The following PAX7 variants were observed in gnomAD, a reference collection of about 807,000 sequenced individuals.
The protein encoded by PAX7 is paired box 7.
PAX7 carries 18 observed loss-of-function variants against 50.7 expected under a neutral mutation model. The observed-to-expected ratio is 0.36, with a 90% CI of 0.25 to 0.53. The LOEUF is 0.53. Ranked by LOEUF, PAX7 falls within the 20% of genes least tolerant of loss-of-function variation. PAX7 has a pLI of 0.93. For synonymous variants in PAX7, 310 were observed against 290.4 expected (o/e 1.07, Z -0.69); for missense variants, 644 against 702.9 (o/e 0.92, Z 0.95).
chr1:18,728,841 G>A (rs2089611338), intron 7 of PAX7, among the ~76,000 whole-genome samples: 1 of 151,842 alleles, frequency 6.6e-6, no homozygotes, highest in Non-Finnish European at 1.5e-5. Context: ...CTCCAGCCTG[G>A]GCAACAAGAG....
chr1:18,647,452 T>C (rs1178904618), intron 4 of PAX7, among the ~76,000 whole-genome samples: 1 of 129,944 alleles, frequency 7.7e-6, no homozygotes, highest in Non-Finnish European at 1.5e-5. Context: ...GTCACAGCTA[T>C]AGTGGATGCT....
chr1:18,655,603 T>A (rs948084715), intron 4 of PAX7, among the ~76,000 whole-genome samples: 1 of 152,228 alleles, frequency 6.6e-6, no homozygotes, highest in South Asian at 2.1e-4. Flanking sequence ...CGGGAGGGTT[T>A]CCAGGCCTGT....
chr1:18,737,944 TGAG>T (rs1441254316), intron 8 of PAX7, among the ~76,000 whole-genome samples: 1 of 152,224 alleles, frequency 6.6e-6, no homozygotes, highest in Non-Finnish European at 1.5e-5. Context: ...AGCCATGCAT[TGAG>T]GCATGCACAC....
At chr1:18,688,193 A>G (rs867335118) in intron 4 of PAX7, among the ~76,000 whole-genome samples, 9 of 152,376 alleles carry the variant, frequency 5.9e-5, no homozygotes, top group Non-Finnish European at 1.2e-4. Context: ...TAATGCTCTT[A>G]TAAATGGAAA....
chr1:18,657,567 G>A (rs548253402), intron 4 of PAX7, among the ~76,000 whole-genome samples: 1 of 152,264 alleles, frequency 6.6e-6, no homozygotes, highest in East Asian at 1.9e-4. Flanking sequence ...CTCTGAGCTA[G>A]AGACCTGGTC....
intron 1 of PAX7, among the ~76,000 whole-genome samples, chr1:18,631,961 C>T (rs1393765793): frequency 6.6e-6 from 1 of 152,212 alleles, no homozygotes. Flanking sequence ...TAGATTTGGA[C>T]TCCTAGTAAA....
chr1:18,696,151 C>T (rs191679172), intron 5 of PAX7, among the ~76,000 whole-genome samples: 4 of 151,658 alleles, frequency 2.6e-5, no homozygotes, highest in East Asian at 1.9e-4. Flanking sequence ...CTGCAACCTC[C>T]GCCTCCCGGT....
intron 8 of PAX7, chr1:18,736,088 T>C: frequency 1.2e-6 from 1 of 842,394 alleles, no homozygotes; most frequent in Non-Finnish European, 1.9e-6. Flanking sequence ...GCTAAGCCTC[T>C]GCTTCCGTAC....
At chr1:18,663,524 A>G (rs913523588) in intron 4 of PAX7, among the ~76,000 whole-genome samples, 2 of 152,210 alleles carry the variant, frequency 1.3e-5, no homozygotes, top group Admixed American at 6.5e-5. Flanking sequence ...CTGGGATTAC[A>G]GCCATGTGCC....
chr1:18,644,915 A>G (rs1159160819), intron 4 of PAX7, among the ~76,000 whole-genome samples: 8 of 152,196 alleles, frequency 5.3e-5, no homozygotes. Context: ...AAATTTTTGG[A>G]GCACCTACTA....
Position 18,631,453 on chromosome 1 carries a change from TG to T in PAX7, c.-146del. 1.8e-6 allele frequency: 1 copy of T among 543,418 alleles called. No homozygotes were observed. 33.7% of individuals were successfully genotyped at this position (543,418 alleles called of 1,614,324 possible). ...TTTGACTGCAGCCAGGGGTGGGGGG[TG>T]GGGGTAGGGAGTGTGTGTGGAGGGG... On this transcript the variant is annotated 5_prime_UTR_variant, in exon 1 of 9. Transcript: ENST00000420770.
chr1:18,695,387 T>A (rs1263481319), intron 5 of PAX7, among the ~76,000 whole-genome samples: 1 of 152,192 alleles, frequency 6.6e-6, no homozygotes, highest in African/African-American at 2.4e-5. Context: ...GGCGCTGTTC[T>A]AGGCATTGGG....
Position 18,744,979 on chromosome 1 carries a change from G to A in PAX7, c.*50G>A. 1 of 1,115,034 alleles carries A rather than the reference G, an allele frequency of 9.0e-7. No individual in the cohort carries two copies. The highest frequency in any genetic ancestry group is 1.3e-5 in the South Asian group (1 of 74,266). The allele number at this position is 1,115,034 out of a possible 1,614,324, so 69.1% of individuals were successfully genotyped here. Reference sequence around the variant, plus strand: ...CCCAATTCCCAGCCCAACCCTAACTGACCCCTGAGCTTCCCAGCCTTGCCG... The same window carrying A: ...CCCAATTCCCAGCCCAACCCTAACTAACCCCTGAGCTTCCCAGCCTTGCCG... On this transcript the variant is annotated 3_prime_UTR_variant, in exon 9 of 9. Coordinates refer to ENST00000420770, the MANE Select transcript of PAX7 (RefSeq NM_001135254.2).
At position 18,744,925 on chromosome 1, in the gene PAX7, A is replaced by G. The variant is rs750150375; in HGVS notation, c.1514A>G (p.Tyr505Cys). The G allele has an allele frequency of 6.5e-7, 1 of 1,537,266 alleles. No individual in the cohort carries two copies. Among genetic ancestry groups the G allele is most frequent in the Non-Finnish European group, 8.8e-7 (1 of 1,133,458 alleles). ...CTGCCTGTGGAAACTGGCCAGGCCT[A>G]CTAGGGCCCCTGGGGCGACTTGCCC... ...GLLPVETGQA[Y>C] Residue 505 changes from tyrosine to cysteine, a missense_variant, in exon 9 of 9, where the codon TAC (tyrosine) becomes TGC (cysteine). Physicochemically the swap from Tyr to Cys is radical, Grantham distance 194. Transcript: ENST00000420770.
chr1:18,712,272 T>C (rs961606267), intron 7 of PAX7, among the ~76,000 whole-genome samples: 2 of 152,138 alleles, frequency 1.3e-5, no homozygotes, highest in African/African-American at 4.8e-5. Flanking sequence ...TCCATCTTTG[T>C]CCACAGTTAA....
chr1:18,678,093 A>G (rs1296779235), intron 4 of PAX7, among the ~76,000 whole-genome samples: 1 of 150,464 alleles, frequency 6.6e-6, no homozygotes, highest in Non-Finnish European at 1.5e-5. Flanking sequence ...AAAAAAAAAA[A>G]AAAGAAAAAG....
At chr1:18,646,520 T>C (rs1224335811) in intron 4 of PAX7, among the ~76,000 whole-genome samples, 1 of 151,954 alleles carries the variant, frequency 6.6e-6, no homozygotes, top group African/African-American at 2.4e-5. Flanking sequence ...GGAAAGCGGT[T>C]TGGAAACTGG....
chr1:18,653,627 G>A (rs529919478), intron 4 of PAX7, among the ~76,000 whole-genome samples: 2 of 152,092 alleles, frequency 1.3e-5, no homozygotes, highest in Non-Finnish European at 2.9e-5. Flanking sequence ...AGTGATACCT[G>A]TACCATGTGA....
Position 18,700,287 on chromosome 1 carries a change from C to T in PAX7, c.787-366C>T, listed in dbSNP as rs138075959. Among the ~76,000 whole-genome samples the T allele has an allele frequency of 8.0e-4, 121 of 152,170 alleles. No individual in the cohort carries two copies. Among genetic ancestry groups the T allele is most frequent in the Non-Finnish European group, 1.3e-3 (85 of 67,984 alleles). ...TGGAGGAGGTGGTCAAGCAGGGCACCAGCATCCCTCCAGGAAGGAGCAGCT... is the reference window on the plus strand; with the variant it reads ...TGGAGGAGGTGGTCAAGCAGGGCACTAGCATCCCTCCAGGAAGGAGCAGCT... On this transcript the variant is annotated intron_variant, in intron 5 of 8. Coordinates refer to ENST00000420770, the MANE Select transcript of PAX7 (RefSeq NM_001135254.2). The surrounding 1 kb of genome is among the most constrained non-coding windows in gnomAD (Gnocchi z 4.8).
Sources: allele counts gnomAD v4.1 joint callset (sites outside exome capture counted in the v4.1 genomes callset), GRCh38; gene constraint gnomAD v4.1.1; non-coding constraint Gnocchi (gnomAD v3.1); transcripts MANE v1.5; gene names NCBI Gene and HGNC (gene_info 2026-07-23, HGNC 2026-07-21).